DST: variants seen among roughly 807,000 people sequenced by gnomAD.
DST encodes bullous pemphigoid antigen.
DST carries 253 observed loss-of-function variants against 875.2 expected under a neutral mutation model. That is an observed-to-expected ratio of 0.29 (90% CI 0.26 to 0.32). The LOEUF (loss-of-function observed/expected upper bound fraction) is 0.32, where lower values mean the gene tolerates loss of function less well. DST is among the 10% of genes least tolerant of loss of function. DST has a pLI of 1.00. For synonymous variants in DST, 3,124 were observed against 3,197.1 expected, an observed-to-expected ratio of 0.98 and a Z score of 0.77; for missense variants, 8,287 against 9,111.6, an observed-to-expected ratio of 0.91 and a Z score of 3.68.
chr6:56,943,038 GA>G (rs1817502319), intron 2 of DST, among the ~76,000 whole-genome samples: 1 of 151,936 alleles, frequency 6.6e-6, no homozygotes, highest in African/African-American at 2.4e-5. Context: ...TGCCATTTCT[GA>G]CGCTCTTTAT....
At chr6:56,501,367 A>T in intron 79 of DST, 132 bp from the exon 80 acceptor site, 1 of 1,144,734 alleles carries the variant, frequency 8.7e-7, no homozygotes. Context: ...CCTAATCATC[A>T]TATCCTTCTA....
intron 4 of DST, among the ~76,000 whole-genome samples, chr6:56,755,133 T>TA (rs61664817): frequency 0.02 from 2,613 of 129,046 alleles, 46 homozygotes; most frequent in African/African-American, 0.061. Flanking sequence ...ATGAAGAAAA[T>TA]AAAAAAAAAA....
chr6:56,827,391 G>A (rs1420443772), intron 4 of DST, among the ~76,000 whole-genome samples: 1 of 150,830 alleles, frequency 6.6e-6, no homozygotes, highest in African/African-American at 2.4e-5. Context: ...GTGTGTGCCT[G>A]CAATCCCAGC....
rs193121566 is a variant in DST, at chr6:56,807,322, A to G, written c.625+44075T>C. Among the ~76,000 whole-genome samples, 505 of 152,348 alleles carry G rather than the reference A, an allele frequency of 3.3e-3. 3 individuals carry two copies. The highest frequency in any genetic ancestry group is 4.9e-3 in the Non-Finnish European group (336 of 68,032). Reference sequence around the variant, plus strand: ...ATTACAGGTGTGAGCCACTGCATCCAGCCTCCCAACTGATCTTTAGACTCA... The same window carrying G: ...ATTACAGGTGTGAGCCACTGCATCCGGCCTCCCAACTGATCTTTAGACTCA... On this transcript the variant is annotated intron_variant, in intron 4 of 103. Transcript: ENST00000680361.
intron 90 of DST, among the ~76,000 whole-genome samples, chr6:56,480,146 A>G (rs372909641): frequency 1.3e-5 from 2 of 152,190 alleles, no homozygotes; most frequent in South Asian, 2.1e-4. Context: ...TAGACCTTTT[A>G]TTTACAAGTT....
At chr6:56,851,241 AC>A in intron 4 of DST, 155 bp downstream of exon 4, 1 of 715,012 alleles carries the variant, frequency 1.4e-6, no homozygotes. Flanking sequence ...TATCGGTAAA[AC>A]AAGGCATAAA....
At position 56,639,742 on chromosome 6, in the gene DST, T is replaced by G; in HGVS notation, c.2651A>C (p.Tyr884Ser). 1 of 1,613,850 alleles carries G rather than the reference T, an allele frequency of 6.2e-7. No homozygotes were observed. Among genetic ancestry groups the G allele is most frequent in the Middle Eastern group, 1.7e-4 (1 of 6,048 alleles). Residue 884 changes from tyrosine (Y) to serine (S), a missense_variant, in exon 20 of 104, where the codon TAT (tyrosine) becomes TCT (serine). Coordinates refer to ENST00000680361, the MANE Select transcript of DST (RefSeq NM_001374736.1). ...IQMTAPLKLT[Y>S]AEKLHRLESQ... Reference sequence around the variant, plus strand: ...CTCTAATCTGTGCAACTTTTCTGCATAAGTCAGTTTAAGAGGTGCTGTCAT... The same window carrying G: ...CTCTAATCTGTGCAACTTTTCTGCAGAAGTCAGTTTAAGAGGTGCTGTCAT...
At chr6:56,546,005 T>G (rs1319521160) in intron 61 of DST, among the ~76,000 whole-genome samples, 1 of 152,104 alleles carries the variant, frequency 6.6e-6, no homozygotes, top group Non-Finnish European at 1.5e-5. Flanking sequence ...GCTAAACGTT[T>G]CCAAAGATAT....
At chr6:56,679,361 C>T (rs1248443231) in intron 9 of DST, among the ~76,000 whole-genome samples, 1 of 152,024 alleles carries the variant, frequency 6.6e-6, no homozygotes. Flanking sequence ...CTCCTGCCAC[C>T]ACAAATTCCA....
chr6:56,501,210 G>A lies in DST; in HGVS notation c.19766C>T (p.Ala6589Val), dbSNP rs1398535855. Residue 6589 changes from alanine (A) to valine (V), a missense_variant, in exon 80 of 104, where the codon GCC becomes GTC. This residue lies in a region of DST where 1,292 missense variants were observed against 1,552.7 expected (regional missense o/e 0.83). Coordinates refer to ENST00000680361, the MANE Select transcript of DST (RefSeq NM_001374736.1). ...CAGGGCATGTTGGAACTGACCCAAG[G>A]CTAATAGAGCACCCTCCAGTTTATG... is the stretch of plus-strand genomic sequence containing the variant. ...RQHKLEGALL[A>V]LGQFQHALDE... The A allele has an allele frequency of 7.5e-6, 12 of 1,605,300 alleles. No individual in the cohort carries two copies. Among genetic ancestry groups the A allele is most frequent in the Non-Finnish European group, 1.0e-5 (12 of 1,177,286 alleles).
At position 56,636,348 on chromosome 6, in the gene DST, GTA is replaced by G. The variant is rs200544768; in HGVS notation, c.3060+207_3060+208del. On this transcript the variant is annotated intron_variant, in intron 23 of 103. Coordinates refer to ENST00000680361, the MANE Select transcript of DST (RefSeq NM_001374736.1). ...TATGTGTATATATGTATATGTATGT[GTA>G]TATATATGTGTGTGTATATATATAC... 0.029 allele frequency among the ~76,000 whole-genome samples: 4,355 copies of G among 148,784 alleles called. 65 individuals carry two copies. The highest frequency in any genetic ancestry group is 0.043 in the Middle Eastern group (12 of 280).
At chr6:56,625,070 T>C in intron 35 of DST, 87 bp downstream of exon 35, 1 of 935,622 alleles carries the variant, frequency 1.1e-6, no homozygotes, top group South Asian at 1.3e-5. Context: ...ATACTATGTA[T>C]ATTTTACCAC....
At chr6:56,840,551 C>T (rs571604806) in intron 4 of DST, among the ~76,000 whole-genome samples, 3 of 152,258 alleles carry the variant, frequency 2.0e-5, no homozygotes, top group Admixed American at 2.0e-4. Context: ...TGAATCAGAA[C>T]ACTGCACCCT....
intron 4 of DST, among the ~76,000 whole-genome samples, chr6:56,828,487 C>A (rs1424216200): frequency 8.5e-5 from 13 of 152,222 alleles, no homozygotes; most frequent in Admixed American, 8.5e-4. Flanking sequence ...ATCACTACTT[C>A]TGTCTTTGCT....
At chr6:56,885,227 C>T (rs761664462) in intron 3 of DST, among the ~76,000 whole-genome samples, 4 of 152,170 alleles carry the variant, frequency 2.6e-5, no homozygotes, top group Non-Finnish European at 5.9e-5. Context: ...CCTCACACCC[C>T]CAGCCCTAGC....
chr6:56,916,823 C>CAG (rs1554257548), intron 2 of DST, among the ~76,000 whole-genome samples: 537 of 140,626 alleles, frequency 3.8e-3, no homozygotes, highest in Middle Eastern at 0.018. Flanking sequence ...CACACACACA[C>CAG]AGAGAGACAG....
Position 56,517,210 on chromosome 6 carries a change from C to T in DST, c.18345G>A (p.Lys6115=), listed in dbSNP as rs1051367037. 1 of 1,612,172 alleles carries T rather than the reference C, an allele frequency of 6.2e-7. No individual in the cohort carries two copies. Among genetic ancestry groups the T allele is most frequent in the Non-Finnish European group, 8.5e-7 (1 of 1,178,628 alleles). The change falls in exon 71 of 104, where the codon AAG becomes AAA. Residue 6115 remains lysine (K), a synonymous_variant. Coordinates refer to ENST00000680361, the MANE Select transcript of DST (RefSeq NM_001374736.1). ...KIMTACSEEE[K]QSMKKKLDKV... Reference sequence around the variant, plus strand: ...GACAAGATTATACCTTCATTGATTGCTTTTCCTCTTCACTGCATGCGGTCA... The same window carrying T: ...GACAAGATTATACCTTCATTGATTGTTTTTCCTCTTCACTGCATGCGGTCA...
chr6:56,686,681 C>T (rs757413560), intron 9 of DST, among the ~76,000 whole-genome samples: 3 of 152,004 alleles, frequency 2.0e-5, no homozygotes, highest in African/African-American at 7.2e-5. Flanking sequence ...GGGATCACAG[C>T]GGGAGGGAAG....
chr6:56,614,729 T>G, intron 36 of DST: 132 of 1,068,076 alleles, frequency 1.2e-4, no homozygotes, highest in East Asian at 6.5e-4. Context: ...CTCCCAGCTG[T>G]TCCATCAATG....
Sources: gnomAD v4.1 joint callset for allele counts (sites outside exome capture counted in the v4.1 genomes callset) on GRCh38, gnomAD v4.1.1 for gene constraint, gnomAD v4.1.1 regional missense constraint, MANE v1.5 for transcripts, NCBI Gene and HGNC (gene_info 2026-07-23, HGNC 2026-07-21) for gene names.